Variants in SYNPR observed in about 807,000 individuals in gnomAD.
SYNPR encodes the protein synaptoporin.
A neutral mutation model predicts 32.9 loss-of-function variants in SYNPR; 23 were observed. The observed-to-expected ratio is 0.70, with a 90% CI of 0.50 to 0.99. The LOEUF (loss-of-function observed/expected upper bound fraction) is 0.99, where lower values mean the gene tolerates loss of function less well. Among genes scored for constraint, SYNPR ranks in the 50% least tolerant of loss-of-function variants. The probability of loss-of-function intolerance (pLI) is 0.00; values close to 1 mark genes in which losing one functional copy is unlikely to be tolerated. For missense variants in SYNPR, 318 were observed against 349.3 expected (o/e 0.91, Z 0.71); for synonymous variants, 146 against 135.9 (o/e 1.07, Z -0.52).
At position 63,278,425 on chromosome 3, in the gene SYNPR, G is replaced by T; in HGVS notation, c.-109G>T. ...CCTCGCCGGGCTGCTCCAGGGTGTC[G>T]CTCCTCTGGCTGCTCCCGAAGGGGC... On this transcript the variant is annotated 5_prime_UTR_variant, in exon 1 of 6. Transcript: ENST00000478300. 1 of 1,390,758 alleles carries T rather than the reference G, an allele frequency of 7.2e-7. No individual in the cohort carries two copies. Among genetic ancestry groups the T allele is most frequent in the Non-Finnish European group, 9.6e-7 (1 of 1,041,690 alleles). The allele number at this position is 1,390,758 out of a possible 1,614,324, so 86.2% of individuals were successfully genotyped here.
intron 2 of SYNPR, among the ~76,000 whole-genome samples, chr3:63,450,035 C>T (rs1241594352): frequency 6.6e-6 from 1 of 152,124 alleles, no homozygotes; most frequent in Non-Finnish European, 1.5e-5. Flanking sequence ...AGAGTTAAAG[C>T]ATACTTTTAC....
chr3:63,600,998 T>G (rs1429042538), intron 4 of SYNPR, among the ~76,000 whole-genome samples: 2 of 152,142 alleles, frequency 1.3e-5, no homozygotes, highest in African/African-American at 4.8e-5. Flanking sequence ...CATGGCTGGG[T>G]GCAGTGGCTC....
chr3:63,252,034 G>C (rs1240832896), intron 1 of SYNPR, among the ~76,000 whole-genome samples: 1 of 151,172 alleles, frequency 6.6e-6, no homozygotes, highest in Admixed American at 6.6e-5. Flanking sequence ...ATGGTATGGG[G>C]GTACCATGGA....
chr3:63,599,634 C>A (rs1027579115), intron 4 of SYNPR, among the ~76,000 whole-genome samples: 2 of 152,086 alleles, frequency 1.3e-5, no homozygotes, highest in Non-Finnish European at 2.9e-5. Flanking sequence ...CAGAACGTAT[C>A]CCTGTCGGTT....
intron 5 of SYNPR, among the ~76,000 whole-genome samples, chr3:63,614,043 CCCACAGG>C (rs58153312): frequency 0.44 from 66,550 of 151,666 alleles, 14,741 homozygotes; most frequent in Middle Eastern, 0.53. Flanking sequence ...GCCACCACTA[CCCACAGG>C]CCACTGTGGA....
At chr3:63,442,927 A>AC in intron 2 of SYNPR, 2 of 543,318 alleles carry the variant, frequency 3.7e-6, no homozygotes, top group South Asian at 1.6e-4. Context: ...ATTTTATAAA[A>AC]CCACCATTTT....
intron 2 of SYNPR, among the ~76,000 whole-genome samples, chr3:63,429,865 C>G (rs1368625811): frequency 6.6e-6 from 1 of 152,166 alleles, no homozygotes; most frequent in Non-Finnish European, 1.5e-5. Flanking sequence ...CTTCTTCTGA[C>G]AGTTTGTTCT....
chr3:63,405,855 T>C (rs1283093631), intron 2 of SYNPR, among the ~76,000 whole-genome samples: 4 of 152,212 alleles, frequency 2.6e-5, no homozygotes, highest in African/African-American at 7.2e-5. Flanking sequence ...CATGCCAACA[T>C]GCTGGTTCCA....
At chr3:63,375,948 TCTC>T (rs1342033625) in intron 2 of SYNPR, among the ~76,000 whole-genome samples, 1 of 152,092 alleles carries the variant, frequency 6.6e-6, no homozygotes, top group Admixed American at 6.6e-5. Flanking sequence ...AAAACCTGCT[TCTC>T]CTCCAGTATT....
intron 2 of SYNPR, among the ~76,000 whole-genome samples, chr3:63,313,432 T>C (rs1026930549): frequency 6.6e-6 from 1 of 151,562 alleles, no homozygotes; most frequent in Non-Finnish European, 1.5e-5. Context: ...CCTCATAGCT[T>C]AGCTCCCTCA....
At chr3:63,449,680 C>A (rs777454587) in intron 2 of SYNPR, among the ~76,000 whole-genome samples, 32 of 152,146 alleles carry the variant, frequency 2.1e-4, no homozygotes, top group Non-Finnish European at 4.0e-4. Flanking sequence ...ACAGTTTACC[C>A]TAGGGTTTTT....
intron 1 of SYNPR, among the ~76,000 whole-genome samples, chr3:63,246,752 G>A (rs565669812): frequency 5.7e-4 from 86 of 151,926 alleles, no homozygotes; most frequent in Non-Finnish European, 1.1e-3. Context: ...AATGCTGTAC[G>A]GGGCCTCAGG....
At chr3:63,311,186 A>G (rs2086960218) in intron 2 of SYNPR, among the ~76,000 whole-genome samples, 2 of 151,958 alleles carry the variant, frequency 1.3e-5, no homozygotes, top group South Asian at 2.1e-4. Flanking sequence ...ATATCTCAAT[A>G]TAAAAACAAA....
chr3:63,255,320 G>A (rs545900817), intron 2 of SYNPR, among the ~76,000 whole-genome samples: 1 of 152,230 alleles, frequency 6.6e-6, no homozygotes, highest in East Asian at 1.9e-4. Flanking sequence ...AACACTCTGG[G>A]ACATAATGAT....
chr3:63,539,790 C>T (rs1466413738), intron 3 of SYNPR, among the ~76,000 whole-genome samples: 3 of 152,114 alleles, frequency 2.0e-5, no homozygotes, highest in African/African-American at 7.2e-5. Context: ...TCACTGTGGG[C>T]AACTGGGGCT....
intron 2 of SYNPR, among the ~76,000 whole-genome samples, chr3:63,407,740 G>T (rs1048517497): frequency 6.6e-6 from 1 of 152,126 alleles, no homozygotes; most frequent in African/African-American, 2.4e-5. Flanking sequence ...TGGAGAGCAA[G>T]ACAAATGGTG....
At chr3:63,601,737 G>T (rs1021574643) in intron 4 of SYNPR, among the ~76,000 whole-genome samples, 1 of 151,986 alleles carries the variant, frequency 6.6e-6, no homozygotes, top group East Asian at 1.9e-4. Context: ...ATTTTCTTTA[G>T]CTAGTGTAGG....
Position 63,258,519 on chromosome 3 carries a change from C to T in SYNPR, n.154+5933C>T, listed in dbSNP as rs527771750. ...GCAGAAATAAAGATGTTCTTTGAAA[C>T]GAATGAGAACAAAGACACAACATAC... On this transcript the variant is annotated intron_variant and non_coding_transcript_variant, in intron 2 of 4. Transcript: ENST00000478456. 4.1e-4 allele frequency among the ~76,000 whole-genome samples: 62 copies of T among 152,224 alleles called. 1 individual carries two copies. Among genetic ancestry groups the T allele is most frequent in the African/African-American group, 7.9e-4 (33 of 41,514 alleles).
At chr3:63,555,021 T>C (rs182563964) in intron 3 of SYNPR, among the ~76,000 whole-genome samples, 11 of 152,202 alleles carry the variant, frequency 7.2e-5, no homozygotes, top group Admixed American at 7.2e-4. Context: ...GCCTGGACAT[T>C]ATTGGTGTAT....
Sources: allele counts gnomAD v4.1 joint callset (sites outside exome capture counted in the v4.1 genomes callset), GRCh38; gene constraint gnomAD v4.1.1; transcripts MANE v1.5; gene names NCBI Gene and HGNC (gene_info 2026-07-23, HGNC 2026-07-21).